The following NELL1 variants were observed in gnomAD, a reference collection of about 807,000 sequenced individuals.
The protein encoded by NELL1 is protein kinase C-binding protein NELL1.
In NELL1, 76 loss-of-function variants were observed where a neutral mutation model predicts 107.4. That is an observed-to-expected ratio of 0.71 (90% confidence interval 0.59 to 0.86). The LOEUF (loss-of-function observed/expected upper bound fraction) is 0.86, where lower values mean the gene tolerates loss of function less well. Among genes scored for constraint, NELL1 ranks in the 40% least tolerant of loss-of-function variants. The pLI is 0.00. For missense variants in NELL1, 1,024 were observed against 1,005.5 expected (o/e 1.02, Z -0.25); for synonymous variants, 353 against 341.2 (o/e 1.03, Z -0.38).
At chr11:21,249,941 T>TA (rs1858595726) in intron 14 of NELL1, among the ~76,000 whole-genome samples, 1 of 152,228 alleles carries the variant, frequency 6.6e-6, no homozygotes, top group Non-Finnish European at 1.5e-5. Context: ...ATTGGTGATG[T>TA]TTTTTAAAAA....
At chr11:21,333,212 G>T (rs868009556) in intron 14 of NELL1, among the ~76,000 whole-genome samples, 1 of 152,006 alleles carries the variant, frequency 6.6e-6, no homozygotes, top group Admixed American at 6.6e-5. Flanking sequence ...AGACTAAAGG[G>T]CAAAGCAGCA....
chr11:20,915,700 G>GATATATAGATATATATATATATATAT (rs1850230899), intron 5 of NELL1, among the ~76,000 whole-genome samples: 2 of 29,440 alleles, frequency 6.8e-5, no homozygotes, highest in Non-Finnish European at 7.5e-5. Flanking sequence ...CCTCATAGAT[G>GATATATAGATATATATATATATATAT]ATATATATAT....
At chr11:21,335,061 G>T (rs1021526679) in intron 14 of NELL1, among the ~76,000 whole-genome samples, 1 of 151,738 alleles carries the variant, frequency 6.6e-6, no homozygotes, top group African/African-American at 2.4e-5. Flanking sequence ...TCCAAAAGTG[G>T]AATCAAATTC....
chr11:21,411,709 T>G (rs533709588), intron 15 of NELL1, among the ~76,000 whole-genome samples: 1 of 152,220 alleles, frequency 6.6e-6, no homozygotes, highest in South Asian at 2.1e-4. Context: ...ATATTACTTT[T>G]TTTAAAAAGA....
At chr11:20,859,502 A>T (rs1848939585) in intron 4 of NELL1, among the ~76,000 whole-genome samples, 1 of 152,220 alleles carries the variant, frequency 6.6e-6, no homozygotes, top group African/African-American at 2.4e-5. Flanking sequence ...GACTGACTGC[A>T]AATGAGCCAT....
intron 2 of NELL1, among the ~76,000 whole-genome samples, chr11:20,779,127 T>C (rs1856807352): frequency 6.6e-6 from 1 of 152,172 alleles, no homozygotes; most frequent in South Asian, 2.1e-4. Flanking sequence ...ACAACTGTAA[T>C]TCACCAGTTA....
At chr11:21,459,628 C>T (rs1006484785) in intron 15 of NELL1, among the ~76,000 whole-genome samples, 2 of 151,964 alleles carry the variant, frequency 1.3e-5, no homozygotes, top group Admixed American at 1.3e-4. Flanking sequence ...GATGAGCTAT[C>T]TAAACATCTG....
chr11:21,063,227 C>A (rs1313703471), intron 12 of NELL1, among the ~76,000 whole-genome samples: 1 of 152,112 alleles, frequency 6.6e-6, no homozygotes, highest in Non-Finnish European at 1.5e-5. Flanking sequence ...GGGAGAGGCC[C>A]TAGCACAGAG....
rs982117247 is a variant in NELL1, at chr11:20,669,599, G to A, written c.-125G>A. 9 of 754,256 alleles carry A rather than the reference G, an allele frequency of 1.2e-5. No individual in the cohort carries two copies. The highest frequency in any genetic ancestry group is 1.8e-5 in the Non-Finnish European group (8 of 450,746). 46.7% of individuals were successfully genotyped at this position (754,256 alleles called of 1,614,324 possible). A position where few individuals can be genotyped will look rare whatever the true frequency, so the allele number is the denominator to read the frequency against. ...TGCGAGCGCAGCACCCGGCGCTGCC[G>A]AGCCACCTCCCCCGCCGCCCGCTAG... On this transcript the variant is annotated 5_prime_UTR_variant, in exon 1 of 20. Transcript: ENST00000357134. This position sits in a 1 kb window ranked among gnomAD's most constrained non-coding sequence, Gnocchi z 4.4.
chr11:20,883,034 C>G (rs1482131447), intron 4 of NELL1, among the ~76,000 whole-genome samples: 1 of 152,222 alleles, frequency 6.6e-6, no homozygotes, highest in Non-Finnish European at 1.5e-5. Flanking sequence ...TGTTTTTAAA[C>G]TCTCTTCATG....
At chr11:21,074,777 G>C (rs1565045863) in intron 12 of NELL1, among the ~76,000 whole-genome samples, 1 of 152,100 alleles carries the variant, frequency 6.6e-6, no homozygotes, top group East Asian at 1.9e-4. Context: ...TAATTCTGAT[G>C]TGCAGTCAAG....
chr11:21,039,617 G>A (rs536067222), intron 12 of NELL1, among the ~76,000 whole-genome samples: 14 of 152,308 alleles, frequency 9.2e-5, no homozygotes, highest in African/African-American at 1.7e-4. Context: ...GGGAAGATGC[G>A]TACCAAGGTT....
intron 3 of NELL1, among the ~76,000 whole-genome samples, chr11:20,818,237 C>T (rs1857667090): frequency 6.6e-6 from 1 of 152,074 alleles, no homozygotes; most frequent in African/African-American, 2.4e-5. Flanking sequence ...GCTCTAAAAG[C>T]ACTTGTTTTG....
intron 2 of NELL1, among the ~76,000 whole-genome samples, chr11:20,712,987 G>A (rs1855150626): frequency 6.6e-6 from 1 of 152,202 alleles, no homozygotes; most frequent in Non-Finnish European, 1.5e-5. Flanking sequence ...GGACAGACAG[G>A]ACCTCTGGTT....
intron 15 of NELL1, among the ~76,000 whole-genome samples, chr11:21,475,546 G>C (rs1854308779): frequency 6.6e-6 from 1 of 152,168 alleles, no homozygotes; most frequent in Non-Finnish European, 1.5e-5. Context: ...AAGGAGCTTT[G>C]AGTTTGATTC....
chr11:20,699,974 C>T (rs957294290), intron 2 of NELL1, among the ~76,000 whole-genome samples: 26 of 152,020 alleles, frequency 1.7e-4, no homozygotes, highest in African/African-American at 5.8e-4. Context: ...TATGGCCATT[C>T]TTGCAGGAGT....
chr11:21,158,290 A>C (rs964374740), intron 13 of NELL1, among the ~76,000 whole-genome samples: 3 of 152,148 alleles, frequency 2.0e-5, no homozygotes, highest in African/African-American at 7.2e-5. Flanking sequence ...CTCAGCTTGC[A>C]GACGGTCTGT....
chr11:21,201,595 C>G (rs746882746), intron 13 of NELL1, among the ~76,000 whole-genome samples: 26 of 152,136 alleles, frequency 1.7e-4, no homozygotes, highest in Non-Finnish European at 2.6e-4. Context: ...GACTTCCTCT[C>G]TTCCTATTTG....
intron 14 of NELL1, among the ~76,000 whole-genome samples, chr11:21,237,560 A>G (rs1397645536): frequency 2.6e-5 from 4 of 152,084 alleles, no homozygotes; most frequent in Non-Finnish European, 5.9e-5. Context: ...GAATGAATTT[A>G]TAAATCAAGG....
Sources: allele counts gnomAD v4.1 joint callset (sites outside exome capture counted in the v4.1 genomes callset), GRCh38; gene constraint gnomAD v4.1.1; non-coding constraint Gnocchi (gnomAD v3.1); transcripts MANE v1.5; gene names NCBI Gene and HGNC (gene_info 2026-07-23, HGNC 2026-07-21).